CD207: variants seen among roughly 807,000 people sequenced by gnomAD.
CD207 encodes C-type lectin domain family 4 member K.
CD207 carries 28 observed loss-of-function variants against 31.6 expected under a neutral mutation model. The observed-to-expected ratio is 0.89, with a 90% CI of 0.66 to 1.21. The LOEUF (loss-of-function observed/expected upper bound fraction) is 1.21. Ranked by LOEUF, CD207 falls within the 50% of genes most tolerant of loss-of-function variation. The pLI, the probability that CD207 is intolerant of heterozygous loss-of-function variation, is 0.00. For missense variants in CD207, 388 were observed against 397.8 expected (o/e 0.98, Z 0.21); for synonymous variants, 168 against 153.9 (o/e 1.09, Z -0.68).
chr2:70,826,739 C>T (rs1478713325), downstream of CD207, among the ~76,000 whole-genome samples: 1 of 152,182 alleles, frequency 6.6e-6, no homozygotes, highest in Non-Finnish European at 1.5e-5. Context: ...ACTCAAAATA[C>T]AGGAAGATAC....
At chr2:70,825,215 C>G (rs1363748532), downstream of CD207, among the ~76,000 whole-genome samples, 1 of 152,108 alleles carries the variant, frequency 6.6e-6, no homozygotes, top group African/African-American at 2.4e-5. Context: ...CCAGTGGGCT[C>G]CTCAAAACTG....
chr2:70,830,944 G>T lies in CD207; in HGVS notation c.*106C>A. The T allele has an allele frequency of 8.9e-7, 1 of 1,121,804 alleles. No individual in the cohort carries two copies. Among genetic ancestry groups the T allele is most frequent in the Non-Finnish European group, 1.2e-6 (1 of 805,452 alleles). The allele number at this position is 1,121,804 out of a possible 1,614,324, so 69.5% of individuals were successfully genotyped here. A position where few individuals can be genotyped will look rare whatever the true frequency, so the allele number is the denominator to read the frequency against. On this transcript the variant is annotated 3_prime_UTR_variant, in exon 6 of 6. Transcript: ENST00000410009. ...CCACTGTGGGACAATTTTGAAGCAAGAAAAATTAACGTGCAAAGTCATCCT... is the reference window on the plus strand; with the variant it reads ...CCACTGTGGGACAATTTTGAAGCAATAAAAATTAACGTGCAAAGTCATCCT...
chr2:70,833,037 C>T lies in CD207; in HGVS notation c.580G>A (p.Val194Met). The T allele has an allele frequency of 1.9e-6, 3 of 1,613,914 alleles. No individual in the cohort carries two copies. Among genetic ancestry groups the T allele is most frequent in the Non-Finnish European group, 2.5e-6 (3 of 1,179,840 alleles). The change falls in exon 4 of 6, where the codon GTG (valine) becomes ATG (methionine). Residue 194 changes from valine to methionine, a missense_variant. Val to Met is a conservative substitution (Grantham distance 21). Transcript: ENST00000410009. The stretch of plus-strand genomic sequence containing the variant: ...AAGTACTTCCAGCCTTGAGAAACCA[C>T]CTGTAGAATATCATCTAGAGAACAA... ...LLKRQNDILQ[V>M]VSQGWKYFKG... is the part of the protein sequence containing the mutation.
At chr2:70,826,085 T>C (rs539152641), downstream of CD207, among the ~76,000 whole-genome samples, 4 of 152,104 alleles carry the variant, frequency 2.6e-5, no homozygotes, top group South Asian at 8.3e-4. Context: ...GAGTTCAAGG[T>C]TGCAGTGAGC....
chr2:70,832,760 G>A (rs1187937288), intron 4 of CD207, 140 bp downstream of exon 4: 15 of 818,292 alleles, frequency 1.8e-5, no homozygotes, highest in African/African-American at 3.5e-5. Context: ...GCCCTTATTC[G>A]ACATGCTACT....
chr2:70,827,378 G>T (rs965996348), downstream of CD207, among the ~76,000 whole-genome samples: 1 of 152,272 alleles, frequency 6.6e-6, no homozygotes, highest in Admixed American at 6.5e-5. Flanking sequence ...TAGGAGGGGA[G>T]GTTCTTGGAG....
downstream of CD207, among the ~76,000 whole-genome samples, chr2:70,825,724 A>G (rs989991147): frequency 3.3e-5 from 5 of 151,832 alleles, no homozygotes; most frequent in African/African-American, 1.2e-4. Context: ...TTTTTTTTTT[A>G]GAGACAGGGT....
At chr2:70,832,864 C>T (rs188845217) in intron 4 of CD207, 36 bp downstream of exon 4, 315 of 1,583,554 alleles carry the variant, frequency 2.0e-4, no homozygotes, top group Admixed American at 6.2e-4. Flanking sequence ...AGTGCTCATA[C>T]GCCCCCTTCA....
chr2:70,824,922 G>A, the CD207 span, among the ~76,000 whole-genome samples: 1 of 152,170 alleles, frequency 6.6e-6, no homozygotes. Flanking sequence ...TACTCTTTCA[G>A]TGTGAACTGC....
At chr2:70,833,229 G>A (rs1471673259) in intron 3 of CD207, among the ~76,000 whole-genome samples, 178 bp from the exon 4 acceptor site, 9 of 152,124 alleles carry the variant, frequency 5.9e-5, no homozygotes, top group African/African-American at 1.7e-4. Context: ...GTCAGACAGA[G>A]ACTAATAGAG....
intron 4 of CD207, among the ~76,000 whole-genome samples, chr2:70,832,263 C>T (rs1188897075): frequency 6.6e-6 from 1 of 152,196 alleles, no homozygotes; most frequent in Non-Finnish European, 1.5e-5. Context: ...GAAGTTTGCC[C>T]AGTGAAGTTG....
intron 4 of CD207, among the ~76,000 whole-genome samples, chr2:70,832,364 T>A (rs564026878): frequency 6.6e-6 from 1 of 152,322 alleles, no homozygotes; most frequent in East Asian, 1.9e-4. Flanking sequence ...TGCTCTGCTA[T>A]CCCACCTCCC....
chr2:70,833,639 CACTT>C lies in CD207; in HGVS notation c.565+3_565+6del, dbSNP rs782580013. ...TCAGCTTCAATGTAATTTTCTGAGT[CACTT>C]ACTTTGTCGTTTGAGCAACTTGCTC... is the stretch of plus-strand genomic sequence containing the variant. On this transcript the variant is annotated splice_donor_5th_base_variant and intron_variant, in intron 3 of 5. Coordinates refer to ENST00000410009, the MANE Select transcript of CD207 (RefSeq NM_015717.5). The C allele has an allele frequency of 8.7e-6, 14 of 1,601,462 alleles. No individual in the cohort carries two copies. The highest frequency in any genetic ancestry group is 2.2e-5 in the East Asian group (1 of 44,744).
intron 4 of CD207, 21 bp downstream of exon 4, chr2:70,832,879 G>A (rs559383492): frequency 2.5e-6 from 4 of 1,605,092 alleles, no homozygotes; most frequent in Admixed American, 3.4e-5. Context: ...CCTTCACAGA[G>A]CCCATAGGCA....
chr2:70,834,186 C>T (rs1482651935), intron 2 of CD207, among the ~76,000 whole-genome samples, 166 bp from the exon 3 acceptor site: 2 of 152,164 alleles, frequency 1.3e-5, no homozygotes, highest in Non-Finnish European at 2.9e-5. Flanking sequence ...TAACGTACAA[C>T]AAACGTGCAA....
chr2:70,827,237 C>T (rs11126297), downstream of CD207, among the ~76,000 whole-genome samples: 93,110 of 152,080 alleles, frequency 0.61, 28,884 homozygotes, highest in Middle Eastern at 0.7. Flanking sequence ...TAGGCTCCCA[C>T]AGAACAATAA....
chr2:70,827,631 C>T (rs920430947), downstream of CD207, among the ~76,000 whole-genome samples: 1 of 151,730 alleles, frequency 6.6e-6, no homozygotes, highest in African/African-American at 2.4e-5. Flanking sequence ...CAACTACACA[C>T]GTGTGTGCGC....
the CD207 span, among the ~76,000 whole-genome samples, chr2:70,825,121 C>T: frequency 1.6e-4 from 25 of 152,292 alleles, no homozygotes; most frequent in Middle Eastern, 6.8e-3. Flanking sequence ...CCATGGTCTT[C>T]CTCCTGAAAC....
intron 5 of CD207, 107 bp from the exon 6 acceptor site, chr2:70,831,307 T>C (rs1028657863): frequency 8.8e-7 from 1 of 1,135,122 alleles, no homozygotes; most frequent in Non-Finnish European, 1.3e-6. Flanking sequence ...TCCTAGGGAA[T>C]GGCATAGCAA....
Sources: gnomAD v4.1 joint callset for allele counts (sites outside exome capture counted in the v4.1 genomes callset) on GRCh38, gnomAD v4.1.1 for gene constraint, MANE v1.5 for transcripts, NCBI Gene and HGNC (gene_info 2026-07-23, HGNC 2026-07-21) for gene names.